The following PRKAG2 variants were observed in gnomAD, a reference collection of about 807,000 sequenced individuals.
The protein encoded by PRKAG2 is protein kinase AMP-activated non-catalytic subunit gamma 2, also known as 5'-AMP-activated protein kinase subunit gamma-2.
Under a neutral mutation model 69.6 loss-of-function variants are expected in PRKAG2, and 26 were observed. That is an observed-to-expected ratio of 0.37 (90% CI 0.27 to 0.52). The LOEUF (loss-of-function observed/expected upper bound fraction) is 0.52, where lower values mean the gene tolerates loss of function less well. Ranked by LOEUF, PRKAG2 falls within the 20% of genes least tolerant of loss-of-function variation. The pLI, the probability that PRKAG2 is intolerant of heterozygous loss-of-function variation, is 0.90. For synonymous variants in PRKAG2, 293 were observed against 285.0 expected, an observed-to-expected ratio of 1.03 and a Z score of -0.28; for missense variants, 557 against 740.0, an observed-to-expected ratio of 0.75 and a Z score of 2.87.
chr7:151,572,864 G>A (rs1261968894), intron 8 of PRKAG2, among the ~76,000 whole-genome samples, 155 bp from the exon 9 acceptor site: 1 of 152,200 alleles, frequency 6.6e-6, no homozygotes, highest in Non-Finnish European at 1.5e-5. Flanking sequence ...TGTAATCTCA[G>A]CACTTTGGGA....
intron 4 of PRKAG2, among the ~76,000 whole-genome samples, chr7:151,642,234 T>A (rs1826853086): frequency 6.6e-6 from 1 of 150,794 alleles, no homozygotes; most frequent in South Asian, 2.1e-4. Flanking sequence ...TCCCAGCTAC[T>A]CAGGAGGCTG....
At chr7:151,581,915 G>C (rs1464824337) in intron 6 of PRKAG2, among the ~76,000 whole-genome samples, 1 of 152,162 alleles carries the variant, frequency 6.6e-6, no homozygotes, top group Non-Finnish European at 1.5e-5. Context: ...TTACGGTGAG[G>C]CCACTGTGAA....
chr7:151,839,879 C>G (rs2079235486), intron 1 of PRKAG2, among the ~76,000 whole-genome samples: 1 of 152,088 alleles, frequency 6.6e-6, no homozygotes, highest in Non-Finnish European at 1.5e-5. Flanking sequence ...GCAGAGGAAG[C>G]TGAGCAGGGC....
chr7:151,569,527 C>T (rs1584961069), intron 10 of PRKAG2, among the ~76,000 whole-genome samples: 1 of 152,204 alleles, frequency 6.6e-6, no homozygotes, highest in Non-Finnish European at 1.5e-5. Flanking sequence ...TATTGCAGGG[C>T]CAACATTTCT....
rs151022307 is a variant in PRKAG2 at position 151,700,134 on chromosome 7, C to A, written c.467-24497G>T. On this transcript the variant is annotated intron_variant, in intron 3 of 15. Coordinates refer to ENST00000287878, the MANE Select transcript of PRKAG2 (RefSeq NM_016203.4). ...TTGCATCATTGCAAAATGATGTTTC[C>A]TCCCCAACAAGGGAAATCGGGGGTG... is the stretch of plus-strand genomic sequence containing the variant. 5.0e-3 allele frequency among the ~76,000 whole-genome samples: 760 copies of A among 152,332 alleles called. 4 individuals are homozygous for A. The highest frequency in any genetic ancestry group is 8.0e-3 in the Non-Finnish European group (546 of 68,036).
chr7:151,637,082 G>A (rs1825865486), intron 4 of PRKAG2, among the ~76,000 whole-genome samples: 1 of 152,164 alleles, frequency 6.6e-6, no homozygotes, highest in African/African-American at 2.4e-5. Flanking sequence ...TACCAGCAAT[G>A]TATGAGGATT....
At chr7:151,726,892 G>C (rs2151663388) in intron 3 of PRKAG2, among the ~76,000 whole-genome samples, 1 of 152,244 alleles carries the variant, frequency 6.6e-6, no homozygotes, top group East Asian at 1.9e-4. Context: ...ATTTTTAGAA[G>C]TTAGCACAGC....
chr7:151,860,532 C>A (rs2079892529), intron 1 of PRKAG2, among the ~76,000 whole-genome samples: 1 of 152,094 alleles, frequency 6.6e-6, no homozygotes, highest in Admixed American at 6.5e-5. Flanking sequence ...AATGAACCAA[C>A]CACAAGACAG....
At chr7:151,706,593 T>C (rs1298617293) in intron 3 of PRKAG2, among the ~76,000 whole-genome samples, 1 of 152,232 alleles carries the variant, frequency 6.6e-6, no homozygotes, top group Non-Finnish European at 1.5e-5. Context: ...CCTCCTGCTT[T>C]GAGCAGGTGT....
chr7:151,597,823 C>A (rs1167249266), intron 5 of PRKAG2, among the ~76,000 whole-genome samples: 2 of 145,030 alleles, frequency 1.4e-5, no homozygotes, highest in Admixed American at 1.4e-4. Context: ...AAAGGGAGCC[C>A]CCCCCCCCGC....
rs17134620 is a variant in PRKAG2, at chr7:151,572,804, T to A, written c.1006-95A>T. The A allele has an allele frequency of 0.13, 101,970 of 811,286 alleles. 7,830 individuals carry two copies. Among genetic ancestry groups the A allele is most frequent in the East Asian group, 0.28 (9,871 of 35,214 alleles). The allele number at this position is 811,286 out of a possible 1,614,324, so 50.3% of individuals were successfully genotyped here. A position where few individuals can be genotyped will look rare whatever the true frequency, so the allele number is the denominator to read the frequency against. ...CAAAACATAGCTTGGATAATAGCATTTTCTATTCGCAATTAGAAAATGAGG... is the reference window on the plus strand; with the variant it reads ...CAAAACATAGCTTGGATAATAGCATATTCTATTCGCAATTAGAAAATGAGG... On this transcript the variant is annotated intron_variant, in intron 8 of 15. Coordinates refer to ENST00000287878, the MANE Select transcript of PRKAG2 (RefSeq NM_016203.4).
At chr7:151,729,318 G>A (rs974347102) in intron 3 of PRKAG2, among the ~76,000 whole-genome samples, 7 of 152,050 alleles carry the variant, frequency 4.6e-5, no homozygotes, top group African/African-American at 1.7e-4. Context: ...CAAGGATGCC[G>A]CACCCCTAGG....
chr7:151,794,402 C>T (rs1396402543), intron 1 of PRKAG2, among the ~76,000 whole-genome samples: 1 of 152,254 alleles, frequency 6.6e-6, no homozygotes, highest in Non-Finnish European at 1.5e-5. Context: ...CCTCCACTTT[C>T]CAGTGTGTAA....
intron 7 of PRKAG2, among the ~76,000 whole-genome samples, chr7:151,576,025 A>C (rs1808850961): frequency 6.9e-6 from 1 of 145,198 alleles, no homozygotes; most frequent in Non-Finnish European, 1.5e-5. Context: ...TCTGTCACCC[A>C]GGCTGGAGTA....
At chr7:151,789,632 G>A (rs914102346) in intron 1 of PRKAG2, among the ~76,000 whole-genome samples, 1 of 152,228 alleles carries the variant, frequency 6.6e-6, no homozygotes, top group Non-Finnish European at 1.5e-5. Flanking sequence ...AGACACGCCA[G>A]TGAGATCTCA....
chr7:151,672,170 C>T (rs1299281694), intron 4 of PRKAG2, among the ~76,000 whole-genome samples: 5 of 151,560 alleles, frequency 3.3e-5, no homozygotes, highest in Admixed American at 2.0e-4. Context: ...GGCGCCATCT[C>T]GGCTCACTGC....
At chr7:151,721,650 A>T (rs1797135190) in intron 3 of PRKAG2, among the ~76,000 whole-genome samples, 1 of 152,214 alleles carries the variant, frequency 6.6e-6, no homozygotes, top group Non-Finnish European at 1.5e-5. Flanking sequence ...CCTGTTGGCC[A>T]GGGAGCAGCA....
intron 3 of PRKAG2, chr7:151,734,380 A>G (rs1108722): frequency 0.69 from 105,040 of 152,008 alleles, 37,373 homozygotes; most frequent in East Asian, 0.91. Context: ...ATGGCTTCAT[A>G]CACCCCCCAG....
intron 1 of PRKAG2, among the ~76,000 whole-genome samples, chr7:151,849,102 G>A (rs970570804): frequency 2.6e-5 from 4 of 152,182 alleles, no homozygotes; most frequent in African/African-American, 9.6e-5. Context: ...TTGTGATCCT[G>A]GAATACAGGG....
Sources: gnomAD v4.1 joint callset for allele counts (sites outside exome capture counted in the v4.1 genomes callset) on GRCh38, gnomAD v4.1.1 for gene constraint, MANE v1.5 for transcripts, NCBI Gene and HGNC (gene_info 2026-07-23, HGNC 2026-07-21) for gene names.